Variants in P2RX1 observed in about 807,000 individuals in gnomAD.
The protein encoded by P2RX1 is P2X purinoceptor 1.
A neutral mutation model predicts 50.3 loss-of-function variants in P2RX1; 42 were observed. That is an observed-to-expected ratio of 0.83 (90% CI 0.65 to 1.08). The LOEUF (loss-of-function observed/expected upper bound fraction) is 1.08, where lower values mean the gene tolerates loss of function less well. Ranked by LOEUF, P2RX1 falls within the 50% of genes least tolerant of loss-of-function variation. The pLI is 0.00. For missense variants in P2RX1, 449 were observed against 529.0 expected (o/e 0.85, Z 1.48); for synonymous variants, 199 against 202.6 (o/e 0.98, Z 0.15).
At position 3,903,742 on chromosome 17, in the gene P2RX1, C is replaced by A; in HGVS notation, c.525-111G>T. Reference sequence around the variant, plus strand: ...CCGAGCCTCCGGGACCCGCCTGCAGCCCTGGGCTGGTGGAGGGGTGGGTGT... The same window carrying A: ...CCGAGCCTCCGGGACCCGCCTGCAGACCTGGGCTGGTGGAGGGGTGGGTGT... On this transcript the variant is annotated intron_variant, in intron 5 of 11. Coordinates refer to ENST00000225538, the MANE Select transcript of P2RX1 (RefSeq NM_002558.4). The surrounding 1 kb of genome is among the most constrained non-coding windows in gnomAD (Gnocchi z 4.6). 5 of 1,270,998 alleles carry A rather than the reference C, an allele frequency of 3.9e-6. No individual in the cohort carries two copies. The highest frequency in any genetic ancestry group is 5.7e-6 in the Non-Finnish European group (5 of 877,260). 78.7% of individuals were successfully genotyped at this position (1,270,998 alleles called of 1,614,324 possible).
chr17:3,898,948 G>A lies in P2RX1; in HGVS notation c.952C>T (p.Leu318=), dbSNP rs1307972360. 6.2e-7 allele frequency: 1 copy of A among 1,613,640 alleles called. No homozygotes were observed. The highest frequency in any genetic ancestry group is 1.1e-5 in the South Asian group (1 of 91,064). ...FKVFGIRFDI[L]VDGKAGKFDI... is the part of the protein sequence containing the mutation. ...TGGACACTCACCTTGCCGTCCACCA[G>A]GATGTCAAAGCGAATCCCAAACACC... is the stretch of plus-strand genomic sequence containing the variant. Residue 318 remains leucine (L), a synonymous_variant, in exon 9 of 12, where the codon CTG becomes TTG. Coordinates refer to ENST00000225538, the MANE Select transcript of P2RX1 (RefSeq NM_002558.4).
chr17:3,904,368 CTGTCTTCCTTGCATA>C lies in P2RX1; in HGVS notation c.374_388del (p.Ile125_Asp129del). On this transcript the variant is annotated inframe_deletion, in exon 4 of 12. Coordinates refer to ENST00000225538, the MANE Select transcript of P2RX1 (RefSeq NM_002558.4). ...CTTGGCCTTCCCAGGGGTACAGCCA[CTGTCTTCCTTGCATA>C]TGCCCCCTTCTGGGTGCTGGGGGAG... The C allele has an allele frequency of 1.2e-6, 2 of 1,614,054 alleles. No homozygotes were observed. Among genetic ancestry groups the C allele is most frequent in the Non-Finnish European group, 1.7e-6 (2 of 1,179,962 alleles).
intron 1 of P2RX1, among the ~76,000 whole-genome samples, chr17:3,909,724 C>T (rs2144051135): frequency 6.6e-6 from 1 of 152,262 alleles, no homozygotes; most frequent in African/African-American, 2.4e-5. Context: ...AGCCCCTATT[C>T]ATGCGCCAAA....
chr17:3,904,505 C>T lies in P2RX1; in HGVS notation c.358-106G>A, dbSNP rs543795966. 77 of 976,930 alleles carry T rather than the reference C, an allele frequency of 7.9e-5. No individual in the cohort carries two copies. The East Asian group carries it at 2.0e-3, about 25-fold the overall frequency. 60.5% of individuals were successfully genotyped at this position (976,930 alleles called of 1,614,324 possible). On this transcript the variant is annotated intron_variant, in intron 3 of 11. Transcript: ENST00000225538. ...CTAGGGAGAGCGTGGGGCAGAGTCT[C>T]AGACCTCTCTGGAGTGACGCCTGCT...
chr17:3,897,757 C>G lies in P2RX1; in HGVS notation c.*57G>C. On this transcript the variant is annotated 3_prime_UTR_variant, in exon 12 of 12. Transcript: ENST00000225538. Reference sequence around the variant, plus strand: ...GCCCCTCTGCCCTGGCTGGGACCCACCAGGGCTCCAGGCTGAAGCCTCACG... The same window carrying G: ...GCCCCTCTGCCCTGGCTGGGACCCAGCAGGGCTCCAGGCTGAAGCCTCACG... The G allele has an allele frequency of 1.3e-6, 2 of 1,542,576 alleles. No individual in the cohort carries two copies. Among genetic ancestry groups the G allele is most frequent in the Non-Finnish European group, 1.8e-6 (2 of 1,122,568 alleles).
chr17:3,904,042 C>T lies in P2RX1; in HGVS notation c.428-18G>A. On this transcript the variant is annotated intron_variant, in intron 4 of 11. Coordinates refer to ENST00000225538, the MANE Select transcript of P2RX1 (RefSeq NM_002558.4). ...GCGGATGCCTGGAGCCAGAGGGAAA[C>T]CCCTGGGTGCCTGCACTAAACAGAG... 1.2e-6 allele frequency: 2 copies of T among 1,602,592 alleles called. No individual in the cohort carries two copies. Among genetic ancestry groups the T allele is most frequent in the Non-Finnish European group, 1.7e-6 (2 of 1,169,724 alleles).
Position 3,903,609 on chromosome 17 carries a change from C to A in P2RX1, c.547G>T (p.Glu183Ter). ...IPRPALLREA[E>*]NFTLFIKNSI... The stretch of plus-strand genomic sequence containing the variant: ...TTCTTGATGAAAAGAGTGAAGTTCT[C>A]GGCCTCTCGGAGAAGGGCAGGGCTG... The change falls in exon 6 of 12, where the codon GAG becomes TAG. Residue 183 changes from glutamate (E) to a stop codon, truncating the protein, a stop_gained. Coordinates refer to ENST00000225538, the MANE Select transcript of P2RX1 (RefSeq NM_002558.4). LOFTEE classifies it high-confidence loss of function. The surrounding 1 kb of genome is among the most constrained non-coding windows in gnomAD (Gnocchi z 4.6). The A allele has an allele frequency of 6.2e-7, 1 of 1,614,130 alleles. No homozygotes were observed. Among genetic ancestry groups the A allele is most frequent in the Non-Finnish European group, 8.5e-7 (1 of 1,180,038 alleles).
At chr17:3,900,779 A>G (rs4790548) in intron 7 of P2RX1, among the ~76,000 whole-genome samples, 27,055 of 152,182 alleles carry the variant, frequency 0.18, 2,835 homozygotes, top group South Asian at 0.25. Flanking sequence ...GGACGAAGCT[A>G]TCTGTCTCAT....
rs1465707881 is a variant in P2RX1 at position 3,903,411 on chromosome 17, C to A, written c.606-68G>T. 6.2e-7 allele frequency: 1 copy of A among 1,606,228 alleles called. No individual in the cohort carries two copies. The highest frequency in any genetic ancestry group is 8.5e-7 in the Non-Finnish European group (1 of 1,175,234). ...GGAGGGTGCCCACCACGCCCCAAAG[C>A]CTGGGGACCCCTCACAGGCTCCACA... On this transcript the variant is annotated intron_variant, in intron 6 of 11. Coordinates refer to ENST00000225538, the MANE Select transcript of P2RX1 (RefSeq NM_002558.4). The surrounding 1 kb of genome is among the most constrained non-coding windows in gnomAD (Gnocchi z 4.6).
intron 11 of P2RX1, 31 bp from the exon 12 acceptor site, chr17:3,897,910 C>G (rs748295848): frequency 1.2e-6 from 2 of 1,613,380 alleles, no homozygotes; most frequent in Admixed American, 3.3e-5. Context: ...TTGGGGGATA[C>G]AAGTCAGTGC....
rs912497571 is a variant in P2RX1 at position 3,914,995 on chromosome 17, G to A, written c.137+1094C>T. On this transcript the variant is annotated intron_variant, in intron 1 of 11. Coordinates refer to ENST00000225538, the MANE Select transcript of P2RX1 (RefSeq NM_002558.4). This position sits in a 1 kb window ranked among gnomAD's most constrained non-coding sequence, Gnocchi z 4.1. ...GACGCCAGAAGTTTCCGGGGGACTA[G>A]GACTTCATGGTCCTTGTTTGGGCCC... Among the ~76,000 whole-genome samples the A allele has an allele frequency of 6.6e-6, 1 of 152,186 alleles. No individual in the cohort carries two copies. The highest frequency in any genetic ancestry group is 2.4e-5 in the African/African-American group (1 of 41,442).
At chr17:3,899,788 C>T (rs2056102775) in intron 7 of P2RX1, 27 bp from the exon 8 acceptor site, 3 of 1,611,780 alleles carry the variant, frequency 1.9e-6, no homozygotes. Flanking sequence ...TAGTTAAGAT[C>T]TGGGATTTCA....
intron 1 of P2RX1, among the ~76,000 whole-genome samples, chr17:3,913,676 TC>T (rs953662476): frequency 1.9e-4 from 29 of 152,316 alleles, no homozygotes; most frequent in African/African-American, 7.0e-4. Flanking sequence ...CTGGCGTTTG[TC>T]CCTCTGTCCA....
chr17:3,902,889 AC>A (rs2056177358), intron 7 of P2RX1, among the ~76,000 whole-genome samples: 2 of 151,524 alleles, frequency 1.3e-5, no homozygotes, highest in African/African-American at 4.9e-5. Context: ...GATTATAGGC[AC>A]GACCCTCCGC....
chr17:3,902,131 A>G (rs2056159550), intron 7 of P2RX1, among the ~76,000 whole-genome samples: 1 of 151,882 alleles, frequency 6.6e-6, no homozygotes, highest in South Asian at 2.1e-4. Context: ...ATTTTTATTT[A>G]TTTTTATTTT....
At chr17:3,900,838 A>G (rs1315429432) in intron 7 of P2RX1, among the ~76,000 whole-genome samples, 1 of 152,172 alleles carries the variant, frequency 6.6e-6, no homozygotes, top group Non-Finnish European at 1.5e-5. Context: ...GTGGGAGGCA[A>G]GCAGACAATT....
intron 1 of P2RX1, among the ~76,000 whole-genome samples, chr17:3,907,170 T>C (rs1380149935): frequency 6.6e-6 from 1 of 152,226 alleles, no homozygotes; most frequent in Admixed American, 6.5e-5. Context: ...GTCCTTCCTT[T>C]GTTTAAGCCA....
At position 3,903,870 on chromosome 17, in the gene P2RX1, C is replaced by T; in HGVS notation, c.524+58G>A. 2.2e-6 allele frequency: 3 copies of T among 1,390,810 alleles called. No homozygotes were observed. The highest frequency in any genetic ancestry group is 1.4e-5 in the African/African-American group (1 of 70,670). 86.2% of individuals were successfully genotyped at this position (1,390,810 alleles called of 1,614,324 possible). A position where few individuals can be genotyped will look rare whatever the true frequency, so the allele number is the denominator to read the frequency against. On this transcript the variant is annotated intron_variant, in intron 5 of 11. Coordinates refer to ENST00000225538, the MANE Select transcript of P2RX1 (RefSeq NM_002558.4). This position sits in a 1 kb window ranked among gnomAD's most constrained non-coding sequence, Gnocchi z 4.6. ...GGTAAAGATCCTTTCTAGACCTAGG[C>T]CCCCCTCTGTCTGGCCTGGGACCCT...
In P2RX1 at chr17:3,903,761, T is replaced by C; in HGVS notation, c.525-130A>G. The stretch of plus-strand genomic sequence containing the variant: ...CTGCAGCCCTGGGCTGGTGGAGGGG[T>C]GGGTGTGCTCTAGCGTGGCCAGGAC... On this transcript the variant is annotated intron_variant, in intron 5 of 11. Coordinates refer to ENST00000225538, the MANE Select transcript of P2RX1 (RefSeq NM_002558.4). The surrounding 1 kb of genome is among the most constrained non-coding windows in gnomAD (Gnocchi z 4.6). 8.8e-7 allele frequency: 1 copy of C among 1,136,010 alleles called. No homozygotes were observed. The highest frequency in any genetic ancestry group is 1.3e-6 in the Non-Finnish European group (1 of 759,782). The allele number at this position is 1,136,010 out of a possible 1,614,324, so 70.4% of individuals were successfully genotyped here.
Sources: gnomAD v4.1 joint callset for allele counts (sites outside exome capture counted in the v4.1 genomes callset) on GRCh38, gnomAD v4.1.1 for gene constraint, Gnocchi (gnomAD v3.1) non-coding constraint, MANE v1.5 for transcripts, NCBI Gene and HGNC (gene_info 2026-07-23, HGNC 2026-07-21) for gene names.